Variants in SLC30A4 observed in about 807,000 individuals in gnomAD.
SLC30A4 encodes probable proton-coupled zinc antiporter SLC30A4.
Under a neutral mutation model 41.7 loss-of-function variants are expected in SLC30A4, and 20 were observed. The ratio of observed to expected loss-of-function variants is 0.48; its 90% CI spans 0.34 to 0.70. The LOEUF is 0.70. Ranked by LOEUF, SLC30A4 falls within the 30% of genes least tolerant of loss-of-function variation. SLC30A4 has a pLI of 0.01. For synonymous variants in SLC30A4, 181 were observed against 195.9 expected, an observed-to-expected ratio of 0.92 and a Z score of 0.64; for missense variants, 441 against 529.3, an observed-to-expected ratio of 0.83 and a Z score of 1.64.
chr15:45,491,599 G>A (rs180732472), intron 3 of SLC30A4, among the ~76,000 whole-genome samples: 4 of 152,234 alleles, frequency 2.6e-5, no homozygotes, highest in African/African-American at 9.6e-5. Context: ...AATGGGTAAT[G>A]TGCCAACGTT....
chr15:45,515,604 G>A (rs983297468), intron 2 of SLC30A4, among the ~76,000 whole-genome samples: 7 of 152,004 alleles, frequency 4.6e-5, no homozygotes, highest in African/African-American at 1.4e-4. Flanking sequence ...AGTGAGCCGA[G>A]ATGGCGCCAC....
chr15:45,486,990 A>G (rs1891716122), intron 6 of SLC30A4, among the ~76,000 whole-genome samples: 1 of 152,046 alleles, frequency 6.6e-6, no homozygotes, highest in South Asian at 2.1e-4. Flanking sequence ...AGGAATGCCA[A>G]TCAAACCAGA....
intron 7 of SLC30A4, among the ~76,000 whole-genome samples, chr15:45,485,718 C>CT (rs776401920): frequency 1.4e-3 from 200 of 138,328 alleles, no homozygotes; most frequent in South Asian, 1.9e-3. Context: ...AATATTCTTT[C>CT]TTTTTTTTTT....
At chr15:45,492,433 T>G (rs961489254) in intron 3 of SLC30A4, among the ~76,000 whole-genome samples, 1 of 152,174 alleles carries the variant, frequency 6.6e-6, no homozygotes, top group Non-Finnish European at 1.5e-5. Flanking sequence ...CACTGCATTA[T>G]TTTTGGTAAT....
At chr15:45,492,536 A>G (rs1344471148) in intron 3 of SLC30A4, among the ~76,000 whole-genome samples, 1 of 152,174 alleles carries the variant, frequency 6.6e-6, no homozygotes, top group Non-Finnish European at 1.5e-5. Flanking sequence ...GCCTTCATGA[A>G]GGCTATTAAT....
At chr15:45,497,188 C>T (rs1335847911) in intron 3 of SLC30A4, 1 of 152,182 alleles carries the variant, frequency 6.6e-6, no homozygotes, top group African/African-American at 2.4e-5. Context: ...CTGCCTCAGC[C>T]TCCCGAGTAG....
chr15:45,507,743 C>T (rs1892192314), intron 3 of SLC30A4, among the ~76,000 whole-genome samples: 1 of 152,156 alleles, frequency 6.6e-6, no homozygotes, highest in Admixed American at 6.5e-5. Context: ...CCACCTTGGC[C>T]TCCCAAAGTG....
intron 2 of SLC30A4, chr15:45,520,775 T>A (rs570747084): frequency 4.3e-6 from 1 of 234,732 alleles, no homozygotes; most frequent in East Asian, 1.2e-4. Flanking sequence ...TTTGTTTCAG[T>A]TATACATATA....
chr15:45,491,639 C>T (rs1891812222), intron 3 of SLC30A4, among the ~76,000 whole-genome samples: 1 of 152,174 alleles, frequency 6.6e-6, no homozygotes, highest in African/African-American at 2.4e-5. Context: ...GCACGTCTCA[C>T]ACATGTATGT....
chr15:45,509,426 G>A (rs925397254), intron 3 of SLC30A4, among the ~76,000 whole-genome samples: 3 of 151,906 alleles, frequency 2.0e-5, no homozygotes, highest in Non-Finnish European at 4.4e-5. Flanking sequence ...GCTAATTTCT[G>A]TATTTTTAGT....
Position 45,490,781 on chromosome 15 carries a change from TA to T in SLC30A4, c.638del (p.Ile213LysfsTer5). The stretch of plus-strand genomic sequence containing the variant: ...CGGTGATGAGCATTATATCTCCATT[TA>T]TTTCATAGTTCATATGGATAGTTCT... ...VQRTIHMNYE[I>X]NGDIMLITAA... On this transcript the variant is annotated frameshift_variant, in exon 4 of 8. Coordinates refer to ENST00000261867, the MANE Select transcript of SLC30A4 (RefSeq NM_013309.6). LOFTEE classifies it high-confidence loss of function. 6.2e-7 allele frequency: 1 copy of T among 1,611,822 alleles called. No homozygotes were observed. Among genetic ancestry groups the T allele is most frequent in the Non-Finnish European group, 8.5e-7 (1 of 1,178,572 alleles).
chr15:45,500,610 GTCTGTCTA>G (rs1447568540), intron 3 of SLC30A4, among the ~76,000 whole-genome samples: 1 of 112,624 alleles, frequency 8.9e-6, no homozygotes, highest in East Asian at 2.4e-4. Context: ...TATGTTAAGG[GTCTGTCTA>G]TCTATCTATC....
At chr15:45,508,385 T>G (rs1892205460) in intron 3 of SLC30A4, among the ~76,000 whole-genome samples, 2 of 152,006 alleles carry the variant, frequency 1.3e-5, no homozygotes. Context: ...AGAAGGGAGG[T>G]AGGGGCATAG....
intron 2 of SLC30A4, among the ~76,000 whole-genome samples, chr15:45,515,193 T>C (rs552965331): frequency 6.6e-6 from 1 of 152,076 alleles, no homozygotes; most frequent in Admixed American, 6.6e-5. Context: ...GGCTTTTTTT[T>C]TTTCTTCAAT....
At position 45,487,610 on chromosome 15, in the gene SLC30A4, G is replaced by A. The variant is rs745899103; in HGVS notation, c.917C>T (p.Pro306Leu). The A allele has an allele frequency of 6.4e-7, 1 of 1,570,178 alleles. No homozygotes were observed. The highest frequency in any genetic ancestry group is 8.8e-7 in the Non-Finnish European group (1 of 1,141,464). ...TAATGAAAATACGTATGTACAGATG[G>A]GGTCAGCAATCTTGTATTCTGGCTA... ...RFKPEYKIAD[P>L]ICTYVFSLLV... is the part of the protein sequence containing the mutation. Residue 306 changes from proline (P) to leucine (L), a missense_variant, in exon 6 of 8, where the codon CCC becomes CTC. Pro to Leu is a moderately conservative substitution (Grantham distance 98). Coordinates refer to ENST00000261867, the MANE Select transcript of SLC30A4 (RefSeq NM_013309.6).
At chr15:45,506,442 C>G (rs577687183) in intron 3 of SLC30A4, among the ~76,000 whole-genome samples, 148 of 152,214 alleles carry the variant, frequency 9.7e-4, no homozygotes, top group Non-Finnish European at 1.9e-3. Context: ...ATCACAAGAG[C>G]TACCCTACTT....
chr15:45,497,575 A>G (rs1220568357), intron 3 of SLC30A4, among the ~76,000 whole-genome samples: 2 of 152,178 alleles, frequency 1.3e-5, no homozygotes, highest in Admixed American at 6.6e-5. Context: ...ATACACCCTG[A>G]ATTTCATATA....
intron 4 of SLC30A4, 108 bp downstream of exon 4, chr15:45,490,620 T>C (rs1891793151): frequency 1.5e-6 from 1 of 678,740 alleles, no homozygotes; most frequent in Non-Finnish European, 2.4e-6. Flanking sequence ...TAATGAGTTA[T>C]ATCATTTTTA....
At chr15:45,520,755 A>T (rs1002850674) in intron 2 of SLC30A4, 2 of 216,310 alleles carry the variant, frequency 9.2e-6, no homozygotes, top group African/African-American at 4.6e-5. Context: ...ACATCACATG[A>T]AGGAAAACTT....
Sources: allele counts gnomAD v4.1 joint callset (sites outside exome capture counted in the v4.1 genomes callset), GRCh38; gene constraint gnomAD v4.1.1; transcripts MANE v1.5; gene names NCBI Gene and HGNC (gene_info 2026-07-23, HGNC 2026-07-21).